The following IRAG2 variants were observed in gnomAD, a reference collection of about 807,000 sequenced individuals.
IRAG2 encodes lymphoid restricted membrane protein.
Under a neutral mutation model 69.9 loss-of-function variants are expected in IRAG2, and 45 were observed. The ratio of observed to expected loss-of-function variants is 0.64; its 90% CI spans 0.51 to 0.83. The LOEUF is 0.83. IRAG2 is among the 40% of genes least tolerant of loss of function. The probability of loss-of-function intolerance (pLI) is 0.00; values close to 1 mark genes in which losing one functional copy is unlikely to be tolerated. For synonymous variants in IRAG2, 193 were observed against 202.4 expected, an observed-to-expected ratio of 0.95 and a Z score of 0.40; for missense variants, 520 against 587.0, an observed-to-expected ratio of 0.89 and a Z score of 1.18.
chr12:25,050,527 C>CAAAAAAAA (rs747761089), upstream of IRAG2, among the ~76,000 whole-genome samples: 1 of 47,922 alleles, frequency 2.1e-5, no homozygotes. Context: ...GACTCCGTCT[C>CAAAAAAAA]AAAAAAAACA....
intron 7 of IRAG2, among the ~76,000 whole-genome samples, chr12:25,023,542 C>G (rs1305389790): frequency 6.6e-6 from 1 of 152,120 alleles, no homozygotes; most frequent in Non-Finnish European, 1.5e-5. Flanking sequence ...TTTCAAGGTG[C>G]TATTTAAATA....
At chr12:25,097,195 G>A in intron 15 of IRAG2, 151 bp downstream of exon 15, 2 of 579,428 alleles carry the variant, frequency 3.5e-6, no homozygotes, top group Non-Finnish European at 5.5e-6. Context: ...GTTTAATACA[G>A]AAAAAATGGA....
intron 16 of IRAG2, among the ~76,000 whole-genome samples, chr12:25,046,496 G>A (rs576293453): frequency 6.6e-6 from 1 of 152,062 alleles, no homozygotes; most frequent in Admixed American, 6.6e-5. Context: ...TAGTAAAGTT[G>A]CATGACACAA....
At chr12:25,084,674 G>A (rs1483228673) in intron 10 of IRAG2, among the ~76,000 whole-genome samples, 1 of 152,030 alleles carries the variant, frequency 6.6e-6, no homozygotes, top group African/African-American at 2.4e-5. Flanking sequence ...GGAGGCCATG[G>A]CACAGACTTG....
intron 16 of IRAG2, among the ~76,000 whole-genome samples, chr12:25,039,587 C>G (rs989728088): frequency 2.6e-5 from 4 of 152,130 alleles, no homozygotes; most frequent in African/African-American, 4.8e-5. Flanking sequence ...CCCGCCACCA[C>G]GCCCAGCTAA....
chr12:25,023,793 T>G, intron 7 of IRAG2: 3 of 701,486 alleles, frequency 4.3e-6, no homozygotes, highest in Non-Finnish European at 6.0e-6. Context: ...GTAGAGAATG[T>G]CAGCCTTGGA....
At chr12:25,060,759 C>G (rs1275273951) in intron 1 of IRAG2, among the ~76,000 whole-genome samples, 1 of 144,256 alleles carries the variant, frequency 6.9e-6, no homozygotes, top group African/African-American at 2.6e-5. Flanking sequence ...CTCCCAGGTT[C>G]AAGTGATTCT....
intron 5 of IRAG2, chr12:25,017,018 T>TA (rs200270514): frequency 0.096 from 54,707 of 569,878 alleles, 32 homozygotes; most frequent in East Asian, 0.11. Context: ...AGGGTAAAGT[T>TA]AAAAAAAAAA....
intron 12 of IRAG2, chr12:25,033,826 T>C (rs1041338050): frequency 5.0e-6 from 2 of 398,916 alleles, no homozygotes; most frequent in African/African-American, 2.1e-5. Context: ...CTAACTAGAC[T>C]ATTGTTTTTG....
exon 14 of IRAG2, chr12:25,035,759 T>C (rs969404604): frequency 2.5e-6 from 1 of 399,022 alleles, no homozygotes; most frequent in African/African-American, 2.1e-5. Context: ...CAGAAGGCAG[T>C]GGAATTCACA....
chr12:25,077,265 A>AT (rs1491376326), intron 6 of IRAG2, among the ~76,000 whole-genome samples: 15 of 29,140 alleles, frequency 5.1e-4, no homozygotes, highest in African/African-American at 7.9e-4. Flanking sequence ...TATATATATG[A>AT]AATATATATG....
chr12:25,099,747 A>ATC (rs1948634382), intron 15 of IRAG2, among the ~76,000 whole-genome samples: 1 of 152,110 alleles, frequency 6.6e-6, no homozygotes, highest in Non-Finnish European at 1.5e-5. Flanking sequence ...CACGCCTGTA[A>ATC]TCCTAGCACC....
chr12:25,034,854 T>A (rs185901918), intron 13 of IRAG2, among the ~76,000 whole-genome samples: 1 of 152,230 alleles, frequency 6.6e-6, no homozygotes, highest in African/African-American at 2.4e-5. Context: ...CCGGCAGCCC[T>A]GGACATTCTG....
At chr12:25,002,235 T>C (rs965411383), upstream of IRAG2, among the ~76,000 whole-genome samples, 3 of 152,204 alleles carry the variant, frequency 2.0e-5, no homozygotes, top group Admixed American at 1.3e-4. Flanking sequence ...CTCTTATTTA[T>C]TCAAGGTGGG....
At chr12:25,000,959 C>A (rs892531394), upstream of IRAG2, among the ~76,000 whole-genome samples, 1 of 152,088 alleles carries the variant, frequency 6.6e-6, no homozygotes, top group Admixed American at 6.5e-5. Flanking sequence ...TTAAAAAAGA[C>A]GTTAAGAGGT....
chr12:25,082,616 A>C (rs961497602), intron 9 of IRAG2, among the ~76,000 whole-genome samples: 55 of 146,138 alleles, frequency 3.8e-4, no homozygotes, highest in African/African-American at 1.3e-3. Flanking sequence ...AAAACAAAAA[A>C]CAAAAACAAA....
upstream of IRAG2, among the ~76,000 whole-genome samples, chr12:25,049,351 T>C (rs11047786): frequency 1.0e-3 from 156 of 152,326 alleles, no homozygotes; most frequent in African/African-American, 3.7e-3. Context: ...GCTATTTTCA[T>C]GATATTGATT....
chr12:25,036,909 A>T (rs1944706532), intron 15 of IRAG2, among the ~76,000 whole-genome samples: 1 of 151,760 alleles, frequency 6.6e-6, no homozygotes, highest in African/African-American at 2.4e-5. Context: ...ATGGAGAGAA[A>T]ATAATAAATA....
chr12:25,080,339 ATTCTTT>A (rs1947112976), intron 9 of IRAG2, among the ~76,000 whole-genome samples: 2 of 150,028 alleles, frequency 1.3e-5, no homozygotes, highest in Admixed American at 1.3e-4. Context: ...AGGAAAATTC[ATTCTTT>A]TTCTTTTATC....
Sources: gnomAD v4.1 joint callset for allele counts (sites outside exome capture counted in the v4.1 genomes callset) on GRCh38, gnomAD v4.1.1 for gene constraint, MANE v1.5 for transcripts, NCBI Gene and HGNC (gene_info 2026-07-23, HGNC 2026-07-21) for gene names.